RAPGEF6: variants seen among roughly 807,000 people sequenced by gnomAD.
RAPGEF6 encodes PDZ domain containing guanine nucleotide exchange factor (GEF) 2.
In RAPGEF6, 56 loss-of-function variants were observed where a neutral mutation model predicts 171.4. The observed-to-expected ratio is 0.33, with a 90% confidence interval of 0.26 to 0.41. The LOEUF is 0.41. RAPGEF6 is among the 10% of genes least tolerant of loss of function. The probability of loss-of-function intolerance (pLI) is 1.00; values close to 1 mark genes in which losing one functional copy is unlikely to be tolerated. For synonymous variants in RAPGEF6, 692 were observed against 650.1 expected (o/e 1.06, Z -0.98); for missense variants, 1,674 against 1,921.4 (o/e 0.87, Z 2.41).
intron 9 of RAPGEF6, 94 bp from the exon 10 acceptor site, chr5:131,505,616 T>C (rs1757325856): frequency 8.7e-7 from 1 of 1,154,150 alleles, no homozygotes. Context: ...ATAACTTGAA[T>C]AAAAAGGAAA....
At position 131,574,844 on chromosome 5, in the gene RAPGEF6, C is replaced by T. The variant is rs192931936; in HGVS notation, c.282-12797G>A. ...CATTAAAACCTAATCACCCTTACCC[C>T]GCTCAACGCCAGTACCCCATCCCAC... On this transcript the variant is annotated intron_variant, in intron 4 of 27. Transcript: ENST00000509018. 2.2e-3 allele frequency among the ~76,000 whole-genome samples: 331 copies of T among 152,188 alleles called. 1 individual carries two copies. Among genetic ancestry groups the T allele is most frequent in the African/African-American group, 7.6e-3 (316 of 41,528 alleles).
intron 16 of RAPGEF6, 35 bp from the exon 17 acceptor site, chr5:131,472,779 T>C (rs1293594408): frequency 6.4e-7 from 1 of 1,553,732 alleles, no homozygotes; most frequent in Non-Finnish European, 8.9e-7. Flanking sequence ...TTTAAAGTAT[T>C]TGAGAGTACT....
At chr5:131,539,616 T>TA (rs1760001380) in intron 6 of RAPGEF6, among the ~76,000 whole-genome samples, 1 of 152,098 alleles carries the variant, frequency 6.6e-6, no homozygotes, top group African/African-American at 2.4e-5. Context: ...ACACTTGCAA[T>TA]AATACCTTAA....
intron 10 of RAPGEF6, 21 bp from the exon 11 acceptor site, chr5:131,504,799 G>A (rs1207369725): frequency 8.1e-6 from 13 of 1,599,690 alleles, no homozygotes; most frequent in Non-Finnish European, 1.0e-5. Context: ...ACAACATGGG[G>A]ACAGTTAATG....
At chr5:131,451,227 C>T (rs1406153898) in intron 21 of RAPGEF6, among the ~76,000 whole-genome samples, 1 of 152,134 alleles carries the variant, frequency 6.6e-6, no homozygotes, top group East Asian at 1.9e-4. Flanking sequence ...CACACTCTCC[C>T]TTCCTTCCAT....
At chr5:131,433,935 A>G (rs752700381) in intron 24 of RAPGEF6, among the ~76,000 whole-genome samples, 10 of 152,236 alleles carry the variant, frequency 6.6e-5, no homozygotes, top group Non-Finnish European at 1.0e-4. Context: ...GTTTAAAGGT[A>G]TATCTTTCTC....
At chr5:131,490,318 A>G (rs1756195188) in intron 14 of RAPGEF6, among the ~76,000 whole-genome samples, 1 of 152,210 alleles carries the variant, frequency 6.6e-6, no homozygotes, top group Admixed American at 6.5e-5. Context: ...GGGGATCAAC[A>G]TAAAAATTTC....
At chr5:131,560,416 A>T (rs1017501020) in intron 5 of RAPGEF6, among the ~76,000 whole-genome samples, 2 of 152,202 alleles carry the variant, frequency 1.3e-5, no homozygotes, top group African/African-American at 4.8e-5. Flanking sequence ...TCATATGAAA[A>T]TATTACATAA....
chr5:131,500,703 C>A (rs1239614020), intron 11 of RAPGEF6, among the ~76,000 whole-genome samples: 5 of 152,128 alleles, frequency 3.3e-5, no homozygotes, highest in South Asian at 4.1e-4. Context: ...TAATTTAGAT[C>A]CCTCTTTTTA....
intron 25 of RAPGEF6, among the ~76,000 whole-genome samples, 198 bp from the exon 26 acceptor site, chr5:131,431,547 C>T (rs996288987): frequency 1.3e-5 from 2 of 152,128 alleles, no homozygotes; most frequent in Admixed American, 6.5e-5. Flanking sequence ...TCAGAAGACA[C>T]AGTAAAGAAA....
intron 7 of RAPGEF6, among the ~76,000 whole-genome samples, chr5:131,516,406 C>A (rs1758087749): frequency 1.3e-5 from 2 of 152,048 alleles, no homozygotes; most frequent in Non-Finnish European, 2.9e-5. Context: ...CTTGAGTTGA[C>A]AAAAGAACAT....
chr5:131,585,780 C>A (rs962782667), intron 4 of RAPGEF6, among the ~76,000 whole-genome samples: 1 of 152,064 alleles, frequency 6.6e-6, no homozygotes, highest in African/African-American at 2.4e-5. Flanking sequence ...GAGCCAAGAT[C>A]GCGCCATTGC....
chr5:131,472,559 G>A (rs369164767), intron 17 of RAPGEF6, 28 bp downstream of exon 17: 37 of 1,600,972 alleles, frequency 2.3e-5, no homozygotes, highest in Non-Finnish European at 3.1e-5. Context: ...TACCAATACG[G>A]CAATATAAAA....
intron 17 of RAPGEF6, among the ~76,000 whole-genome samples, chr5:131,465,359 A>G (rs1754262098): frequency 1.3e-5 from 2 of 152,100 alleles, no homozygotes; most frequent in Non-Finnish European, 1.5e-5. Context: ...ACTCTGGACC[A>G]ATGTTCAACA....
At chr5:131,469,745 C>T in intron 17 of RAPGEF6, 1 of 1,294,842 alleles carries the variant, frequency 7.7e-7, no homozygotes, top group Non-Finnish European at 1.0e-6. Context: ...TAAAAAATAA[C>T]AAAATAATAC....
chr5:131,542,295 A>G (rs1320053382), intron 6 of RAPGEF6, among the ~76,000 whole-genome samples: 1 of 152,336 alleles, frequency 6.6e-6, no homozygotes, highest in Middle Eastern at 3.4e-3. Flanking sequence ...AATAACAACA[A>G]CAGCAATAGG....
At chr5:131,531,340 A>T (rs1010783923) in intron 6 of RAPGEF6, among the ~76,000 whole-genome samples, 2 of 152,252 alleles carry the variant, frequency 1.3e-5, no homozygotes, top group Non-Finnish European at 2.9e-5. Context: ...TACATGAGAC[A>T]GGAAAGATAA....
chr5:131,563,336 T>C (rs999006653), intron 4 of RAPGEF6, among the ~76,000 whole-genome samples: 3 of 152,158 alleles, frequency 2.0e-5, no homozygotes, highest in African/African-American at 7.2e-5. Context: ...ACTTCATTGA[T>C]GGGCTAGAAA....
At chr5:131,632,085 A>T (rs544009066) in intron 1 of RAPGEF6, among the ~76,000 whole-genome samples, 1 of 151,868 alleles carries the variant, frequency 6.6e-6, no homozygotes, top group Non-Finnish European at 1.5e-5. Flanking sequence ...CAAAAAAAAA[A>T]AAAAAAAAAA....
Sources: gnomAD v4.1 joint callset for allele counts (sites outside exome capture counted in the v4.1 genomes callset) on GRCh38, gnomAD v4.1.1 for gene constraint, MANE v1.5 for transcripts, NCBI Gene and HGNC (gene_info 2026-07-23, HGNC 2026-07-21) for gene names.